Variants in NCALD observed in about 807,000 individuals in gnomAD.
NCALD encodes neurocalcin delta.
NCALD carries 10 observed loss-of-function variants against 18.6 expected under a neutral mutation model. That is an observed-to-expected ratio of 0.54 (90% confidence interval 0.33 to 0.91). The LOEUF is 0.91. Among genes scored for constraint, NCALD ranks in the 40% least tolerant of loss-of-function variants. The pLI, the probability that NCALD is intolerant of heterozygous loss-of-function variation, is 0.03. For missense variants in NCALD, 184 were observed against 247.6 expected (o/e 0.74, Z 1.72); for synonymous variants, 88 against 87.4 (o/e 1.01, Z -0.04).
intron 4 of NCALD, among the ~76,000 whole-genome samples, chr8:101,874,019 G>C (rs553211673): frequency 1.3e-5 from 2 of 152,300 alleles, no homozygotes; most frequent in East Asian, 3.9e-4. Flanking sequence ...AGCAGAACTA[G>C]AACTTAGACC....
In NCALD at chr8:101,804,347, T is replaced by A. The variant is rs1228797217; in HGVS notation, c.-20+82794A>T. ...ATATATAATTATATCAATTATATATTATATATAATTATATCAATTATATAT... is the reference window on the plus strand; with the variant it reads ...ATATATAATTATATCAATTATATATAATATATAATTATATCAATTATATAT... On this transcript the variant is annotated intron_variant, in intron 4 of 6. Coordinates refer to the NCALD transcript ENST00000311028. Among the ~76,000 whole-genome samples, 115 of 129,110 alleles carry A rather than the reference T, an allele frequency of 8.9e-4. 1 individual carries two copies. Among genetic ancestry groups the A allele is most frequent in the African/African-American group, 3.1e-3 (110 of 35,822 alleles). The allele number at this position is 129,110 out of a possible 152,430, so 84.7% of individuals were successfully genotyped here. A position where few individuals can be genotyped will look rare whatever the true frequency, so the allele number is the denominator to read the frequency against.
At chr8:102,065,683 A>G (rs111907075) in intron 1 of NCALD, among the ~76,000 whole-genome samples, 1 of 152,206 alleles carries the variant, frequency 6.6e-6, no homozygotes, top group Non-Finnish European at 1.5e-5. Flanking sequence ...TGCTGCCTCA[A>G]AAGTAAAATT....
At chr8:101,879,793 C>G (rs1816402909) in intron 4 of NCALD, among the ~76,000 whole-genome samples, 1 of 152,178 alleles carries the variant, frequency 6.6e-6, no homozygotes, top group Admixed American at 6.5e-5. Context: ...ACACAGAGCA[C>G]TGATTGGTGC....
chr8:101,873,563 A>G (rs1326100200), intron 4 of NCALD, among the ~76,000 whole-genome samples: 1 of 152,256 alleles, frequency 6.6e-6, no homozygotes, highest in Non-Finnish European at 1.5e-5. Context: ...AATATAAAGA[A>G]GGAGTGGTTT....
chr8:101,706,345 G>A (rs1038111141), intron 2 of NCALD, among the ~76,000 whole-genome samples: 1 of 151,868 alleles, frequency 6.6e-6, no homozygotes, highest in Non-Finnish European at 1.5e-5. Context: ...TGGTGGGGAG[G>A]TTTGGGCAAT....
At chr8:101,785,494 T>G (rs993207222) in intron 1 of NCALD, among the ~76,000 whole-genome samples, 1 of 152,134 alleles carries the variant, frequency 6.6e-6, no homozygotes, top group Non-Finnish European at 1.5e-5. Flanking sequence ...TTTAACTAGA[T>G]AGAAGGAGCC....
At chr8:101,780,983 A>G (rs1245707700) in intron 1 of NCALD, among the ~76,000 whole-genome samples, 1 of 152,144 alleles carries the variant, frequency 6.6e-6, no homozygotes, top group Non-Finnish European at 1.5e-5. Flanking sequence ...GGCTGTTTTG[A>G]CAGTCTGAGG....
intron 1 of NCALD, among the ~76,000 whole-genome samples, chr8:102,039,093 T>C (rs185634349): frequency 1.3e-5 from 2 of 152,186 alleles, no homozygotes; most frequent in East Asian, 3.9e-4. Flanking sequence ...CAACAACCAG[T>C]AAGTTGCAAA....
At chr8:101,792,878 TAAG>T (rs1452122999), upstream of NCALD, among the ~76,000 whole-genome samples, 1 of 148,260 alleles carries the variant, frequency 6.7e-6, no homozygotes, top group East Asian at 1.9e-4. Context: ...TCTTCTGAAA[TAAG>T]AAGTTCTCAG....
intron 2 of NCALD, among the ~76,000 whole-genome samples, chr8:101,970,265 G>T (rs980312886): frequency 6.6e-6 from 1 of 152,130 alleles, no homozygotes; most frequent in Non-Finnish European, 1.5e-5. Context: ...TGGAGATTTT[G>T]TTCATGTATT....
At chr8:101,910,425 G>A (rs1817754761) in intron 3 of NCALD, among the ~76,000 whole-genome samples, 2 of 139,166 alleles carry the variant, frequency 1.4e-5, no homozygotes, top group African/African-American at 5.9e-5. Context: ...GGGGACACAG[G>A]GCCCCAAGAA....
chr8:101,922,653 C>T (rs953010993), intron 2 of NCALD, among the ~76,000 whole-genome samples: 2 of 152,106 alleles, frequency 1.3e-5, no homozygotes, highest in Non-Finnish European at 2.9e-5. Flanking sequence ...TGTGTTGAAA[C>T]GTAGTATCTC....
At chr8:101,944,267 C>G (rs1819080660) in intron 2 of NCALD, among the ~76,000 whole-genome samples, 1 of 152,290 alleles carries the variant, frequency 6.6e-6, no homozygotes, top group Non-Finnish European at 1.5e-5. Flanking sequence ...AGACAGGTGC[C>G]CCACCTAAAG....
intron 2 of NCALD, among the ~76,000 whole-genome samples, chr8:101,943,917 G>A (rs1454748516): frequency 2.0e-5 from 3 of 151,712 alleles, no homozygotes; most frequent in Non-Finnish European, 1.5e-5. Flanking sequence ...CTCCAGCCTG[G>A]GCAACAGAGG....
At position 102,111,558 on chromosome 8, in the gene NCALD, C is replaced by T. The variant is rs562896961; in HGVS notation, c.-210+12679G>A. Among the ~76,000 whole-genome samples the T allele has an allele frequency of 4.1e-4, 62 of 152,140 alleles. 1 individual carries two copies. Among genetic ancestry groups the T allele is most frequent in the African/African-American group, 1.4e-3 (57 of 41,502 alleles). On this transcript the variant is annotated intron_variant, in intron 1 of 6. Coordinates refer to the NCALD transcript ENST00000311028. ...TCTGCCTTTAAAAATACAATAACAA[C>T]GCAAAAGAGTGAGAGCCAAAGGAAC...
At chr8:101,751,679 A>G (rs1460623625) in intron 1 of NCALD, among the ~76,000 whole-genome samples, 2 of 152,136 alleles carry the variant, frequency 1.3e-5, no homozygotes, top group African/African-American at 4.8e-5. Flanking sequence ...CTGAGAAAAG[A>G]TCAAAGACAA....
intron 4 of NCALD, among the ~76,000 whole-genome samples, chr8:101,878,221 T>A (rs570188018): frequency 3.9e-5 from 6 of 152,354 alleles, no homozygotes; most frequent in Non-Finnish European, 7.3e-5. Flanking sequence ...AAGACATTCT[T>A]GAACCACTGA....
At chr8:102,020,062 A>C (rs1277133451) in intron 2 of NCALD, among the ~76,000 whole-genome samples, 2 of 152,108 alleles carry the variant, frequency 1.3e-5, no homozygotes, top group Admixed American at 6.5e-5. Context: ...GCTGTGATGA[A>C]CATTTTTGTG....
chr8:101,944,539 A>C (rs1819093994), intron 2 of NCALD, among the ~76,000 whole-genome samples: 2 of 152,226 alleles, frequency 1.3e-5, no homozygotes, highest in South Asian at 4.1e-4. Flanking sequence ...GTAATGGCAC[A>C]TGCTGGCTTT....
Sources: gnomAD v4.1 joint callset for allele counts (sites outside exome capture counted in the v4.1 genomes callset) on GRCh38, gnomAD v4.1.1 for gene constraint, MANE v1.5 for transcripts, NCBI Gene and HGNC (gene_info 2026-07-23, HGNC 2026-07-21) for gene names.